Variants in PTPRD observed in about 807,000 individuals in gnomAD.
PTPRD encodes receptor-type tyrosine-protein phosphatase delta.
In PTPRD, 34 loss-of-function variants were observed where a neutral mutation model predicts 214.5. The observed-to-expected ratio is 0.16, with a 90% confidence interval of 0.12 to 0.21. The LOEUF is 0.21. Ranked by LOEUF, PTPRD falls within the 10% of genes least tolerant of loss-of-function variation. The pLI is 1.00. For synonymous variants in PTPRD, 1,128 were observed against 845.7 expected (o/e 1.33, Z -5.79); for missense variants, 2,545 against 2,398.7 (o/e 1.06, Z -1.27).
chr9:8,368,639 T>C (rs2080627652), intron 39 of PTPRD, among the ~76,000 whole-genome samples: 1 of 151,818 alleles, frequency 6.6e-6, no homozygotes, highest in Non-Finnish European at 1.5e-5. Flanking sequence ...TTTTACACTT[T>C]ATACCTACTG....
At chr9:10,264,058 G>C (rs1255832590) in intron 3 of PTPRD, among the ~76,000 whole-genome samples, 2 of 152,176 alleles carry the variant, frequency 1.3e-5, no homozygotes, top group Admixed American at 6.5e-5. Context: ...CAAGAATTGA[G>C]GTTTGGGAAC....
At chr9:8,634,123 C>G (rs2096350942) in intron 13 of PTPRD, among the ~76,000 whole-genome samples, 1 of 151,722 alleles carries the variant, frequency 6.6e-6, no homozygotes, top group African/African-American at 2.4e-5. Context: ...CTTCACCAGG[C>G]AGAAAATTAA....
intron 11 of PTPRD, among the ~76,000 whole-genome samples, chr9:8,903,569 T>C (rs73640965): frequency 0.057 from 8,654 of 152,242 alleles, 790 homozygotes; most frequent in African/African-American, 0.19. Context: ...TGAATGTTGT[T>C]GCACTGTAAG....
chr9:8,373,821 T>C (rs1287114964), intron 39 of PTPRD, among the ~76,000 whole-genome samples: 4 of 99,590 alleles, frequency 4.0e-5, no homozygotes, highest in Non-Finnish European at 6.8e-5. Context: ...TGTATGTATG[T>C]ATGTATGTAT....
At chr9:9,046,552 T>C (rs979830435) in intron 10 of PTPRD, among the ~76,000 whole-genome samples, 10 of 152,222 alleles carry the variant, frequency 6.6e-5, no homozygotes, top group African/African-American at 2.4e-4. Flanking sequence ...AACGTCTTCC[T>C]ATTCCTTTTA....
At chr9:10,340,643 C>T (rs1213809386) in intron 3 of PTPRD, among the ~76,000 whole-genome samples, 3 of 151,834 alleles carry the variant, frequency 2.0e-5, no homozygotes, top group African/African-American at 7.2e-5. Context: ...AACCATTTTT[C>T]TTACAATATT....
intron 9 of PTPRD, among the ~76,000 whole-genome samples, chr9:9,395,195 A>C (rs1027510215): frequency 8.6e-5 from 13 of 151,800 alleles, no homozygotes; most frequent in African/African-American, 2.7e-4. Flanking sequence ...AACAAAAAAA[A>C]AAAAAAGTAT....
At chr9:8,706,712 C>G (rs147849535) in intron 12 of PTPRD, among the ~76,000 whole-genome samples, 1 of 152,278 alleles carries the variant, frequency 6.6e-6, no homozygotes. Context: ...TGTACCCAAG[C>G]AAAGCACAAC....
At chr9:9,547,552 T>C (rs1178793225) in intron 8 of PTPRD, among the ~76,000 whole-genome samples, 1 of 151,868 alleles carries the variant, frequency 6.6e-6, no homozygotes, top group Non-Finnish European at 1.5e-5. Flanking sequence ...GCATGTAGAG[T>C]GTGTGATTCA....
chr9:9,691,361 T>C (rs1016107401), intron 7 of PTPRD, among the ~76,000 whole-genome samples: 1 of 151,996 alleles, frequency 6.6e-6, no homozygotes, highest in Non-Finnish European at 1.5e-5. Flanking sequence ...TTTTTTAAAC[T>C]CATAAATAAA....
At chr9:10,452,912 T>A (rs1164777938) in intron 2 of PTPRD, among the ~76,000 whole-genome samples, 1 of 151,768 alleles carries the variant, frequency 6.6e-6, no homozygotes, top group Non-Finnish European at 1.5e-5. Flanking sequence ...AGCATATCAA[T>A]GAGCATTTCT....
chr9:9,911,652 T>A (rs2153829811), intron 5 of PTPRD, among the ~76,000 whole-genome samples: 1 of 152,254 alleles, frequency 6.6e-6, no homozygotes, highest in East Asian at 1.9e-4. Context: ...GCTTTTATAT[T>A]TCCCTTTAGA....
At chr9:8,706,657 G>A (rs528755306) in intron 12 of PTPRD, among the ~76,000 whole-genome samples, 1 of 152,192 alleles carries the variant, frequency 6.6e-6, no homozygotes, top group Non-Finnish European at 1.5e-5. Context: ...TGCCAGGCAG[G>A]AATGCATGTC....
At chr9:9,326,448 A>G (rs1033207786) in intron 9 of PTPRD, among the ~76,000 whole-genome samples, 5 of 152,152 alleles carry the variant, frequency 3.3e-5, no homozygotes, top group African/African-American at 7.2e-5. Context: ...CGTTTTATCA[A>G]TTAGAAAACA....
chr9:10,394,276 A>G, intron 2 of PTPRD, among the ~76,000 whole-genome samples: 1 of 148,166 alleles, frequency 6.7e-6, no homozygotes, highest in Admixed American at 6.8e-5. Flanking sequence ...TTATATAAGT[A>G]AAATTCTCAT....
intron 8 of PTPRD, among the ~76,000 whole-genome samples, chr9:9,566,580 T>G (rs909057698): frequency 2.0e-5 from 3 of 151,974 alleles, no homozygotes; most frequent in Non-Finnish European, 4.4e-5. Flanking sequence ...AACCTGGATG[T>G]TTTATTACAT....
At chr9:8,849,708 C>T (rs1030936577) in intron 11 of PTPRD, among the ~76,000 whole-genome samples, 9 of 152,136 alleles carry the variant, frequency 5.9e-5, no homozygotes, top group African/African-American at 1.9e-4. Context: ...TCCTCAATGA[C>T]TGCAGGGAAT....
At chr9:8,331,360 T>C in intron 44 of PTPRD, among the ~76,000 whole-genome samples, 1 of 152,136 alleles carries the variant, frequency 6.6e-6, no homozygotes, top group Admixed American at 6.5e-5. Context: ...AGGAAGCAAA[T>C]TTTTTGGGGG....
At chr9:10,552,131 T>G (rs1423134934) in intron 2 of PTPRD, among the ~76,000 whole-genome samples, 1 of 152,214 alleles carries the variant, frequency 6.6e-6, no homozygotes, top group Non-Finnish European at 1.5e-5. Context: ...TGCAGTCATT[T>G]CAAGAGGTTC....
Sources: allele counts gnomAD v4.1 joint callset (sites outside exome capture counted in the v4.1 genomes callset), GRCh38; gene constraint gnomAD v4.1.1; transcripts MANE v1.5; gene names NCBI Gene and HGNC (gene_info 2026-07-23, HGNC 2026-07-21).